Variants in MYO1B observed in about 807,000 individuals in gnomAD.
The protein encoded by MYO1B is myosin IB, also known as unconventional myosin-Ib.
A neutral mutation model predicts 159.7 loss-of-function variants in MYO1B; 72 were observed. The observed-to-expected ratio is 0.45, with a 90% CI of 0.37 to 0.55. The LOEUF is 0.55. MYO1B is among the 20% of genes least tolerant of loss of function. MYO1B has a pLI of 0.00. For missense variants in MYO1B, 1,062 were observed against 1,364.8 expected (o/e 0.78, Z 3.50); for synonymous variants, 468 against 473.8 (o/e 0.99, Z 0.16).
At chr2:191,254,920 G>GTGTTTT (rs979242244) in intron 1 of MYO1B, among the ~76,000 whole-genome samples, 11 of 152,130 alleles carry the variant, frequency 7.2e-5, no homozygotes, top group Non-Finnish European at 1.0e-4. Context: ...ACTAGGTACT[G>GTGTTTT]TGTTTTTGTT....
chr2:191,391,811 A>T (rs1695769427), intron 18 of MYO1B, among the ~76,000 whole-genome samples: 1 of 152,250 alleles, frequency 6.6e-6, no homozygotes, highest in South Asian at 2.1e-4. Context: ...CCAGGTTGGT[A>T]CATCATTATA....
chr2:191,371,251 C>T (rs1192667222), intron 13 of MYO1B, among the ~76,000 whole-genome samples: 2 of 151,970 alleles, frequency 1.3e-5, no homozygotes, highest in African/African-American at 4.8e-5. Flanking sequence ...AGAATGTTCC[C>T]AAAGAATTTA....
chr2:191,413,663 G>A (rs529303153), intron 27 of MYO1B, among the ~76,000 whole-genome samples: 9 of 152,234 alleles, frequency 5.9e-5, no homozygotes, highest in South Asian at 2.1e-4. Flanking sequence ...GTTTGAAGGC[G>A]TTAGTAAATC....
At chr2:191,401,021 A>G (rs576055953) in intron 23 of MYO1B, among the ~76,000 whole-genome samples, 186 bp downstream of exon 23, 1 of 152,234 alleles carries the variant, frequency 6.6e-6, no homozygotes, top group Non-Finnish European at 1.5e-5. Flanking sequence ...TTAGGCATGC[A>G]TAGGTCAATA....
At chr2:191,266,209 G>C (rs559247561) in intron 1 of MYO1B, among the ~76,000 whole-genome samples, 1 of 152,304 alleles carries the variant, frequency 6.6e-6, no homozygotes, top group South Asian at 2.1e-4. Context: ...ACACCTGCTA[G>C]GAGACAGGAC....
At chr2:191,320,795 G>C (rs1690660831) in intron 3 of MYO1B, among the ~76,000 whole-genome samples, 1 of 151,998 alleles carries the variant, frequency 6.6e-6, no homozygotes, top group Non-Finnish European at 1.5e-5. Context: ...ACCAAAGCTT[G>C]AAGAAGTTGA....
intron 8 of MYO1B, among the ~76,000 whole-genome samples, chr2:191,361,069 A>G (rs1170218639): frequency 6.6e-6 from 1 of 152,162 alleles, no homozygotes; most frequent in Non-Finnish European, 1.5e-5. Flanking sequence ...GGGTTTGTGT[A>G]ATATTCTTGT....
chr2:191,361,964 A>G (rs1418769550), intron 8 of MYO1B, among the ~76,000 whole-genome samples: 1 of 152,172 alleles, frequency 6.6e-6, no homozygotes, highest in Non-Finnish European at 1.5e-5. Flanking sequence ...GAAATAATAT[A>G]TTGAATCACC....
intron 30 of MYO1B, 97 bp from the exon 31 acceptor site, chr2:191,423,740 C>T (rs1043520006): frequency 1.7e-5 from 23 of 1,356,316 alleles, no homozygotes; most frequent in East Asian, 2.4e-5. Context: ...AGCCTGTACT[C>T]GTCAAGATCA....
intron 7 of MYO1B, among the ~76,000 whole-genome samples, chr2:191,357,598 T>C (rs972011695): frequency 6.6e-6 from 1 of 152,244 alleles, no homozygotes; most frequent in African/African-American, 2.4e-5. Flanking sequence ...ATAATAACTC[T>C]TCTTTACTAA....
chr2:191,298,133 A>G (rs1481867200), intron 3 of MYO1B, among the ~76,000 whole-genome samples: 3 of 152,232 alleles, frequency 2.0e-5, no homozygotes, highest in African/African-American at 7.2e-5. Context: ...TTCTCTTGAT[A>G]ATGCAGCATG....
intron 1 of MYO1B, among the ~76,000 whole-genome samples, chr2:191,275,117 G>A (rs1336851437): frequency 6.6e-6 from 1 of 152,020 alleles, no homozygotes; most frequent in Non-Finnish European, 1.5e-5. Context: ...TCTTGGCCAG[G>A]CTGGTCTTGA....
intron 3 of MYO1B, among the ~76,000 whole-genome samples, chr2:191,323,435 C>T (rs577341760): frequency 1.4e-4 from 21 of 152,188 alleles, no homozygotes; most frequent in Middle Eastern, 3.4e-3. Context: ...TTTAAAACAT[C>T]GTAACACATG....
At chr2:191,291,692 G>A (rs893992609) in intron 2 of MYO1B, among the ~76,000 whole-genome samples, 2 of 152,168 alleles carry the variant, frequency 1.3e-5, no homozygotes, top group South Asian at 4.1e-4. Context: ...CCTTTTTAGA[G>A]CGTGATGCAA....
chr2:191,290,642 T>C (rs995111327), intron 2 of MYO1B, among the ~76,000 whole-genome samples: 15 of 152,216 alleles, frequency 9.9e-5, no homozygotes, highest in Admixed American at 4.6e-4. Context: ...CATACCTGGT[T>C]GTGATGAAAA....
intron 1 of MYO1B, chr2:191,246,446 C>G (rs948865237): frequency 6.6e-6 from 1 of 152,162 alleles, no homozygotes; most frequent in South Asian, 2.1e-4. Flanking sequence ...GTTCAGGCTT[C>G]GGCCCAGCGT....
chr2:191,381,466 A>G lies in MYO1B; in HGVS notation c.1190A>G (p.Asn397Ser). 1 of 1,613,150 alleles carries G rather than the reference A, an allele frequency of 6.2e-7. No individual in the cohort carries two copies. The highest frequency in any genetic ancestry group is 8.5e-7 in the Non-Finnish European group (1 of 1,179,268). Residue 397 changes from asparagine to serine, a missense_variant, in exon 14 of 31, where the codon AAC (asparagine) becomes AGC (serine). Physicochemically the swap from Asn to Ser is conservative, Grantham distance 46. This residue lies in a region of MYO1B where 415 missense variants were observed against 544.0 expected (regional missense o/e 0.76). Transcript: ENST00000392318. ...DIYGFEIFED[N>S]SFEQFIINYC... ...TTTTTCATTTTCTCCATACAGGACA[A>G]CAGCTTTGAGCAGTTCATTATTAAT...
At chr2:191,292,703 T>G (rs532849383) in intron 2 of MYO1B, among the ~76,000 whole-genome samples, 1 of 148,088 alleles carries the variant, frequency 6.8e-6, no homozygotes, top group East Asian at 1.9e-4. Context: ...AGGTTAAATT[T>G]TAGAGTACCT....
intron 2 of MYO1B, among the ~76,000 whole-genome samples, chr2:191,286,889 C>T (rs533906830): frequency 5.3e-5 from 8 of 152,260 alleles, no homozygotes; most frequent in Non-Finnish European, 8.8e-5. Context: ...CAGGATCGCA[C>T]CACTGCACTC....
Sources: gnomAD v4.1 joint callset for allele counts (sites outside exome capture counted in the v4.1 genomes callset) on GRCh38, gnomAD v4.1.1 for gene constraint, gnomAD v4.1.1 regional missense constraint, MANE v1.5 for transcripts, NCBI Gene and HGNC (gene_info 2026-07-23, HGNC 2026-07-21) for gene names.